ATP6V0D2: variants seen among roughly 807,000 people sequenced by gnomAD.
ATP6V0D2 encodes the protein ATPase H+ transporting V0 subunit d2.
In ATP6V0D2, 40 loss-of-function variants were observed where a neutral mutation model predicts 40.0. The ratio of observed to expected loss-of-function variants is 1.00; its 90% CI spans 0.78 to 1.30. The LOEUF is 1.30. ATP6V0D2 is among the 50% of genes most tolerant of loss of function. ATP6V0D2 has a pLI of 0.00. For missense variants in ATP6V0D2, 470 were observed against 423.1 expected (o/e 1.11, Z -0.97); for synonymous variants, 179 against 156.3 (o/e 1.15, Z -1.08).
intron 1 of ATP6V0D2, among the ~76,000 whole-genome samples, chr8:86,105,457 C>T (rs1302860708): frequency 6.6e-6 from 1 of 151,840 alleles, no homozygotes; most frequent in Non-Finnish European, 1.5e-5. Flanking sequence ...GGCCACTGTT[C>T]CTGACTAATT....
chr8:86,139,340 C>T (rs974426689), intron 2 of ATP6V0D2, 117 bp from the exon 3 acceptor site: 28 of 766,468 alleles, frequency 3.7e-5, no homozygotes, highest in Middle Eastern at 3.7e-4. Flanking sequence ...TAAAAAGAGA[C>T]TCATGTATTT....
At chr8:86,115,855 A>G (rs1303727732) in intron 2 of ATP6V0D2, among the ~76,000 whole-genome samples, 3 of 152,190 alleles carry the variant, frequency 2.0e-5, no homozygotes, top group African/African-American at 7.2e-5. Flanking sequence ...GATTTCTCAC[A>G]CTATAGCAGA....
chr8:86,102,334 A>AAGCGC (rs57643911), intron 1 of ATP6V0D2, among the ~76,000 whole-genome samples: 1 of 151,478 alleles, frequency 6.6e-6, no homozygotes, highest in Admixed American at 6.6e-5. Context: ...AGAAGAAATC[A>AAGCGC]ACTTGTTGGA....
chr8:86,144,450 C>T (rs1819019034), intron 5 of ATP6V0D2, among the ~76,000 whole-genome samples: 1 of 148,056 alleles, frequency 6.8e-6, no homozygotes, highest in Non-Finnish European at 1.5e-5. Flanking sequence ...CAAGAAAAGC[C>T]TAATAAGCAT....
chr8:86,101,749 C>G (rs1818401832), intron 1 of ATP6V0D2, among the ~76,000 whole-genome samples: 1 of 152,100 alleles, frequency 6.6e-6, no homozygotes, highest in Non-Finnish European at 1.5e-5. Context: ...CATACATAAG[C>G]AGGCATATGC....
rs1586086656 is a variant in ATP6V0D2, at chr8:86,110,867, CT to C, written c.131-2841del. Among the ~76,000 whole-genome samples, 3 of 152,188 alleles carry C rather than the reference CT, an allele frequency of 2.0e-5. No individual in the cohort carries two copies. In the East Asian group the frequency reaches 5.8e-4, roughly 29 times the overall value. Reference sequence around the variant, plus strand: ...TAGGACAGGACAGGACAGGACAGGACTGGCATCATAAGACCTCCGCCAGGCA... The same window carrying C: ...TAGGACAGGACAGGACAGGACAGGACGGCATCATAAGACCTCCGCCAGGCA... On this transcript the variant is annotated intron_variant, in intron 1 of 7. Coordinates refer to ENST00000285393, the MANE Select transcript of ATP6V0D2 (RefSeq NM_152565.1).
chr8:86,140,041 T>G (rs1283819558), intron 3 of ATP6V0D2, among the ~76,000 whole-genome samples: 1 of 152,250 alleles, frequency 6.6e-6, no homozygotes, highest in African/African-American at 2.4e-5. Flanking sequence ...TCCTTCCATT[T>G]AAATTTTTGT....
At chr8:86,129,805 GAAA>G (rs60701588) in intron 2 of ATP6V0D2, among the ~76,000 whole-genome samples, 1 of 136,412 alleles carries the variant, frequency 7.3e-6, no homozygotes. Context: ...TCTGTCTCAG[GAAA>G]AAAAAAAAAG....
intron 4 of ATP6V0D2, among the ~76,000 whole-genome samples, chr8:86,141,831 A>G (rs1818978773): frequency 6.6e-6 from 1 of 152,202 alleles, no homozygotes; most frequent in African/African-American, 2.4e-5. Flanking sequence ...AAATGGGGTG[A>G]ACAATATCAA....
intron 2 of ATP6V0D2, among the ~76,000 whole-genome samples, chr8:86,130,966 C>T (rs922926327): frequency 6.6e-6 from 1 of 152,040 alleles, no homozygotes; most frequent in African/African-American, 2.4e-5. Flanking sequence ...TAACTCTCCC[C>T]TTCTCTACCT....
chr8:86,153,032 A>C lies in ATP6V0D2; in HGVS notation c.*55A>C. 1.4e-6 allele frequency: 2 copies of C among 1,396,434 alleles called. No homozygotes were observed. The highest frequency in any genetic ancestry group is 2.6e-5 in the Admixed American group (1 of 38,786). The allele number at this position is 1,396,434 out of a possible 1,614,324, so 86.5% of individuals were successfully genotyped here. On this transcript the variant is annotated 3_prime_UTR_variant, in exon 8 of 8. Transcript: ENST00000285393. ...TATAAATGTTAAAAGGAAGTTATTGAAGAAAATAAAAGAAATTATGTTATA... is the reference window on the plus strand; with the variant it reads ...TATAAATGTTAAAAGGAAGTTATTGCAGAAAATAAAAGAAATTATGTTATA...
At chr8:86,127,986 G>C (rs967270872) in intron 2 of ATP6V0D2, among the ~76,000 whole-genome samples, 2 of 152,150 alleles carry the variant, frequency 1.3e-5, no homozygotes, top group African/African-American at 4.8e-5. Context: ...GAAGGCCATG[G>C]TGGAAAGATC....
At chr8:86,109,297 T>C (rs906434322) in intron 1 of ATP6V0D2, among the ~76,000 whole-genome samples, 4 of 152,138 alleles carry the variant, frequency 2.6e-5, no homozygotes, top group African/African-American at 7.2e-5. Context: ...TAGGGAAATG[T>C]AGGAAAAAAA....
intron 1 of ATP6V0D2, among the ~76,000 whole-genome samples, chr8:86,104,034 C>T (rs917608158): frequency 4.2e-4 from 64 of 152,020 alleles, no homozygotes; most frequent in Admixed American, 3.3e-3. Flanking sequence ...ACCATGTTGG[C>T]CATGACAGGT....
intron 2 of ATP6V0D2, among the ~76,000 whole-genome samples, chr8:86,126,262 A>ATATATATATATATATATC (rs1191399026): frequency 1.5e-5 from 2 of 131,338 alleles, no homozygotes; most frequent in South Asian, 2.4e-4. Flanking sequence ...ATATATATAT[A>ATATATATATATATATATC]TCTTTTTGTA....
intron 1 of ATP6V0D2, among the ~76,000 whole-genome samples, chr8:86,106,027 A>G (rs187976391): frequency 6.6e-6 from 1 of 152,160 alleles, no homozygotes; most frequent in Admixed American, 6.6e-5. Flanking sequence ...CACACTGGAA[A>G]TATCTACATA....
chr8:86,101,181 G>T (rs187757476), intron 1 of ATP6V0D2, among the ~76,000 whole-genome samples: 2 of 150,360 alleles, frequency 1.3e-5, no homozygotes, highest in African/African-American at 4.9e-5. Flanking sequence ...AAAATAGGTC[G>T]GGTATAGTGG....
At chr8:86,114,664 TA>T in intron 2 of ATP6V0D2, among the ~76,000 whole-genome samples, 1 of 138,770 alleles carries the variant, frequency 7.2e-6, no homozygotes, top group South Asian at 2.3e-4. Context: ...AATGAGACTC[TA>T]TCTCAAAAAT....
At chr8:86,099,773 C>G (rs1408636564) in intron 1 of ATP6V0D2, among the ~76,000 whole-genome samples, 1 of 152,098 alleles carries the variant, frequency 6.6e-6, no homozygotes, top group East Asian at 1.9e-4. Flanking sequence ...GAATTACAGG[C>G]GTAAGCCATC....
Sources: allele counts gnomAD v4.1 joint callset (sites outside exome capture counted in the v4.1 genomes callset), GRCh38; gene constraint gnomAD v4.1.1; transcripts MANE v1.5; gene names NCBI Gene and HGNC (gene_info 2026-07-23, HGNC 2026-07-21).